Variants in RARS2 observed in about 807,000 individuals in gnomAD.
The protein encoded by RARS2 is probable arginine--tRNA ligase, mitochondrial.
A neutral mutation model predicts 88.5 loss-of-function variants in RARS2; 67 were observed. The observed-to-expected ratio is 0.76, with a 90% CI of 0.62 to 0.93. The LOEUF (loss-of-function observed/expected upper bound fraction) is 0.93. Among genes scored for constraint, RARS2 ranks in the 40% least tolerant of loss-of-function variants. The probability of loss-of-function intolerance (pLI) is 0.00; values close to 1 mark genes in which losing one functional copy is unlikely to be tolerated. For synonymous variants in RARS2, 239 were observed against 230.3 expected, an observed-to-expected ratio of 1.04 and a Z score of -0.34; for missense variants, 664 against 684.2, an observed-to-expected ratio of 0.97 and a Z score of 0.33.
intron 8 of RARS2, among the ~76,000 whole-genome samples, chr6:87,540,397 C>T (rs537531519): frequency 7.0e-6 from 1 of 142,816 alleles, no homozygotes; most frequent in Non-Finnish European, 1.5e-5. Flanking sequence ...TTGCAGTGAG[C>T]CAAGATCACA....
At chr6:87,515,247 C>T (rs935998546) in intron 18 of RARS2, among the ~76,000 whole-genome samples, 3 of 152,168 alleles carry the variant, frequency 2.0e-5, no homozygotes, top group East Asian at 3.8e-4. Flanking sequence ...TTTCGCAGGG[C>T]GCAGTGGCTC....
intron 13 of RARS2, 149 bp from the exon 14 acceptor site, chr6:87,519,856 A>T (rs1251874752): frequency 2.1e-6 from 2 of 948,934 alleles, no homozygotes; most frequent in Non-Finnish European, 3.3e-6. Flanking sequence ...TTTGTATGCT[A>T]CAAAGGACGT....
At position 87,567,691 on chromosome 6, in the gene RARS2, CTTTGT is replaced by C. The variant is rs969639280; in HGVS notation, c.110+1821_110+1825del. On this transcript the variant is annotated intron_variant, in intron 2 of 19. Coordinates refer to ENST00000369536, the MANE Select transcript of RARS2 (RefSeq NM_020320.5). Reference sequence around the variant, plus strand: ...ATTATGGCAAAGCACTAGAGGTTCCCTTTGTTTTAAGTAAACTTAATATGAAGAAT... The same window carrying C: ...ATTATGGCAAAGCACTAGAGGTTCCCTTTAAGTAAACTTAATATGAAGAAT... 2.2e-4 allele frequency among the ~76,000 whole-genome samples: 33 copies of C among 152,194 alleles called. 1 individual carries two copies. The highest frequency in any genetic ancestry group is 4.1e-4 in the South Asian group (2 of 4,832).
At chr6:87,544,673 C>T (rs1355370235) in intron 7 of RARS2, among the ~76,000 whole-genome samples, 2 of 152,184 alleles carry the variant, frequency 1.3e-5, no homozygotes, top group Non-Finnish European at 2.9e-5. Context: ...ACTTCATTTA[C>T]CTTGCCCTCT....
At chr6:87,559,985 C>T (rs1452803132) in intron 4 of RARS2, among the ~76,000 whole-genome samples, 2 of 152,190 alleles carry the variant, frequency 1.3e-5, no homozygotes, top group Admixed American at 6.5e-5. Context: ...TTACATGATG[C>T]ACAAGTTTAT....
At chr6:87,530,635 C>G in intron 9 of RARS2, 149 bp downstream of exon 9, 1 of 947,416 alleles carries the variant, frequency 1.1e-6, no homozygotes. Context: ...GCAGTTCTTT[C>G]AGCCCAAAAA....
chr6:87,517,988 T>C (rs537757411), intron 17 of RARS2, among the ~76,000 whole-genome samples, 181 bp downstream of exon 17: 5 of 152,234 alleles, frequency 3.3e-5, no homozygotes, highest in Non-Finnish European at 5.9e-5. Flanking sequence ...TCCTTGGGCA[T>C]TGGCTTAATC....
chr6:87,559,572 C>T (rs1787203839), intron 4 of RARS2, among the ~76,000 whole-genome samples: 1 of 151,974 alleles, frequency 6.6e-6, no homozygotes, highest in Non-Finnish European at 1.5e-5. Flanking sequence ...TTCATTGCAG[C>T]CCTAACACTC....
intron 7 of RARS2, among the ~76,000 whole-genome samples, chr6:87,545,147 G>T (rs1179055192): frequency 6.6e-6 from 1 of 152,186 alleles, no homozygotes; most frequent in African/African-American, 2.4e-5. Context: ...CAACCACGCT[G>T]GGTGCAGTGG....
chr6:87,553,341 C>T (rs187775345), intron 5 of RARS2, among the ~76,000 whole-genome samples: 1 of 151,884 alleles, frequency 6.6e-6, no homozygotes, highest in Non-Finnish European at 1.5e-5. Flanking sequence ...GCCTGAAATA[C>T]CCCTCTCTCC....
At chr6:87,567,445 C>T (rs1768265315) in intron 2 of RARS2, among the ~76,000 whole-genome samples, 1 of 152,132 alleles carries the variant, frequency 6.6e-6, no homozygotes, top group Admixed American at 6.5e-5. Flanking sequence ...TAGCCATTGG[C>T]TTATAATAAA....
At chr6:87,523,843 TTTGC>T (rs1328462645) in intron 11 of RARS2, among the ~76,000 whole-genome samples, 4 of 152,284 alleles carry the variant, frequency 2.6e-5, no homozygotes, top group Middle Eastern at 3.4e-3. Context: ...AATATATATA[TTTGC>T]TTATCTAGAA....
intron 8 of RARS2, among the ~76,000 whole-genome samples, chr6:87,533,349 A>G (rs1778136533): frequency 6.6e-6 from 1 of 152,220 alleles, no homozygotes; most frequent in African/African-American, 2.4e-5. Context: ...GTGAAAATCA[A>G]CTGACACTAT....
rs536292733 is a variant in RARS2 at position 87,563,157 on chromosome 6, C to T, written c.214-372G>A. ...AGAGCCACAGAACATGACATTCTGT[C>T]AGGGTCTACGCTAAAGCACCTGCAC... On this transcript the variant is annotated intron_variant, in intron 3 of 19. Transcript: ENST00000369536. Among the ~76,000 whole-genome samples the T allele has an allele frequency of 5.9e-5, 9 of 152,250 alleles. No individual in the cohort carries two copies. In the East Asian group the frequency reaches 1.7e-3, roughly 29 times the overall value.
chr6:87,537,344 T>C (rs191996867), intron 8 of RARS2, among the ~76,000 whole-genome samples: 19 of 152,118 alleles, frequency 1.2e-4, no homozygotes, highest in African/African-American at 4.6e-4. Context: ...ATAGTGGGGG[T>C]GTGGGGACAT....
chr6:87,585,832 A>AT (rs1774994351), intron 1 of RARS2, among the ~76,000 whole-genome samples: 1 of 152,226 alleles, frequency 6.6e-6, no homozygotes, highest in African/African-American at 2.4e-5. Flanking sequence ...TACAGTATAA[A>AT]TAAGTATTGT....
At chr6:87,519,942 G>A (rs992258718) in intron 13 of RARS2, among the ~76,000 whole-genome samples, 1 of 152,144 alleles carries the variant, frequency 6.6e-6, no homozygotes, top group Non-Finnish European at 1.5e-5. Flanking sequence ...AGGAGATGTG[G>A]ATTAAGAATT....
chr6:87,570,067 A>AAAACC (rs1385980424), intron 1 of RARS2, among the ~76,000 whole-genome samples: 1 of 152,190 alleles, frequency 6.6e-6, no homozygotes, highest in African/African-American at 2.4e-5. Context: ...AAAACAAAAC[A>AAAACC]AAACCTCATG....
intron 9 of RARS2, among the ~76,000 whole-genome samples, chr6:87,530,497 T>C (rs1315538269): frequency 6.6e-6 from 1 of 152,126 alleles, no homozygotes; most frequent in African/African-American, 2.4e-5. Flanking sequence ...TTATTAACCA[T>C]CACATACCAG....
Sources: gnomAD v4.1 joint callset for allele counts (sites outside exome capture counted in the v4.1 genomes callset) on GRCh38, gnomAD v4.1.1 for gene constraint, MANE v1.5 for transcripts, NCBI Gene and HGNC (gene_info 2026-07-23, HGNC 2026-07-21) for gene names.